The following PRKN variants were observed in gnomAD, a reference collection of about 807,000 sequenced individuals.
PRKN encodes the protein parkin RBR E3 ubiquitin protein ligase.
PRKN carries 56 observed loss-of-function variants against 59.5 expected under a neutral mutation model. That is an observed-to-expected ratio of 0.94 (90% CI 0.76 to 1.18). PRKN has a LOEUF of 1.18. PRKN is among the 50% of genes most tolerant of loss of function. PRKN has a pLI of 0.00. For missense variants in PRKN, 657 were observed against 596.4 expected (o/e 1.10, Z -1.06); for synonymous variants, 250 against 222.1 (o/e 1.13, Z -1.12).
chr6:161,957,409 G>GTTGTTTT (rs1562418017), intron 6 of PRKN, among the ~76,000 whole-genome samples: 2 of 127,392 alleles, frequency 1.6e-5, no homozygotes, highest in African/African-American at 6.2e-5. Flanking sequence ...TGTTCTTGTT[G>GTTGTTTT]TTTTTTTTTT....
chr6:161,740,110 C>T (rs1308343796), intron 7 of PRKN, among the ~76,000 whole-genome samples: 1 of 152,206 alleles, frequency 6.6e-6, no homozygotes, highest in African/African-American at 2.4e-5. Flanking sequence ...CCAATGTTAT[C>T]AAACGAGTTG....
intron 4 of PRKN, among the ~76,000 whole-genome samples, chr6:162,146,864 G>C (rs918490326): frequency 2.0e-5 from 3 of 151,922 alleles, no homozygotes; most frequent in African/African-American, 7.2e-5. Context: ...CCGAGTAGCT[G>C]AGATTACAGG....
chr6:161,625,382 G>A (rs1267104432), intron 7 of PRKN, among the ~76,000 whole-genome samples: 1 of 145,538 alleles, frequency 6.9e-6, no homozygotes, highest in Non-Finnish European at 1.5e-5. Context: ...ATGGACAGAG[G>A]AAGGGGAACA....
chr6:161,923,757 G>A (rs1778866183), intron 6 of PRKN, among the ~76,000 whole-genome samples: 1 of 152,116 alleles, frequency 6.6e-6, no homozygotes, highest in Non-Finnish European at 1.5e-5. Context: ...CTAAGGAGGA[G>A]GACACTGTTA....
chr6:161,668,377 C>T (rs1784796004), intron 7 of PRKN, among the ~76,000 whole-genome samples: 1 of 151,796 alleles, frequency 6.6e-6, no homozygotes, highest in Non-Finnish European at 1.5e-5. Flanking sequence ...ACAACACACG[C>T]TCTTAAATAC....
At chr6:162,255,083 A>G (rs1382977452) in intron 3 of PRKN, among the ~76,000 whole-genome samples, 13 of 87,014 alleles carry the variant, frequency 1.5e-4, no homozygotes, top group African/African-American at 6.4e-4. Flanking sequence ...ATACAAAAAT[A>G]AAATAAAATA....
At chr6:162,510,581 C>G (rs974642855) in intron 1 of PRKN, among the ~76,000 whole-genome samples, 2 of 152,208 alleles carry the variant, frequency 1.3e-5, no homozygotes, top group African/African-American at 4.8e-5. Flanking sequence ...AAAACAGCCT[C>G]TGTTCCCTTT....
At chr6:162,400,857 T>C (rs1787757447) in intron 2 of PRKN, among the ~76,000 whole-genome samples, 1 of 152,212 alleles carries the variant, frequency 6.6e-6, no homozygotes, top group Non-Finnish European at 1.5e-5. Flanking sequence ...AGGGAACTAC[T>C]ATATACATCA....
chr6:162,028,604 C>T (rs999518070), intron 5 of PRKN, among the ~76,000 whole-genome samples: 3 of 152,088 alleles, frequency 2.0e-5, no homozygotes, highest in South Asian at 2.1e-4. Flanking sequence ...TGAGGAGCTA[C>T]GGGCACAAGC....
At position 161,359,266 on chromosome 6, in the gene PRKN, G is replaced by T. The variant is rs1784886474; in HGVS notation, c.1285+822C>A. ...AAGCCAGCACCTGCGGCTCTGGGAT[G>T]TGTTCAAGCACCGTCTTGTTTGTAT... On this transcript the variant is annotated intron_variant, in intron 11 of 11. Transcript: ENST00000366898. The surrounding 1 kb of genome is among the most constrained non-coding windows in gnomAD (Gnocchi z 5.4). Among the ~76,000 whole-genome samples the T allele has an allele frequency of 1.3e-5, 2 of 152,360 alleles. No homozygotes were observed. Among genetic ancestry groups the T allele is most frequent in the African/African-American group, 4.8e-5 (2 of 41,588 alleles).
At chr6:161,924,116 G>T (rs1223077493) in intron 6 of PRKN, among the ~76,000 whole-genome samples, 2 of 152,148 alleles carry the variant, frequency 1.3e-5, no homozygotes, top group Non-Finnish European at 2.9e-5. Flanking sequence ...ATTAGAAAAA[G>T]AAACTGTCTC....
intron 5 of PRKN, among the ~76,000 whole-genome samples, chr6:162,053,355 T>A (rs1280651334): frequency 6.6e-6 from 1 of 152,194 alleles, no homozygotes; most frequent in African/African-American, 2.4e-5. Flanking sequence ...GCTGGCAGCA[T>A]AACAGTATTT....
At chr6:161,973,249 A>T (rs1780891989) in intron 6 of PRKN, 53 bp downstream of exon 6, 1 of 1,163,732 alleles carries the variant, frequency 8.6e-7, no homozygotes, top group Admixed American at 1.7e-5. Context: ...TGCTATTTTT[A>T]GATCCTTACC....
chr6:162,010,549 TATATA>T lies in PRKN; in HGVS notation c.619-37137_619-37133del, dbSNP rs1207662420. ...TAATATATTATATAATGTATTATAT[TATATA>T]TTATATAATATATTATATAATGTAT... On this transcript the variant is annotated intron_variant, in intron 5 of 11. Transcript: ENST00000366898. 3.0e-4 allele frequency among the ~76,000 whole-genome samples: 2 copies of T among 6,614 alleles called. 1 individual carries two copies. Among genetic ancestry groups the T allele is most frequent in the Non-Finnish European group, 4.0e-4 (2 of 5,052 alleles). 4.3% of individuals were successfully genotyped at this position (6,614 alleles called of 152,430 possible).
intron 6 of PRKN, among the ~76,000 whole-genome samples, chr6:161,834,764 G>A (rs921529319): frequency 6.6e-6 from 1 of 152,206 alleles, no homozygotes; most frequent in Non-Finnish European, 1.5e-5. Flanking sequence ...TGCTACACAC[G>A]CCCTGGCTCT....
At chr6:162,110,545 G>A (rs1454883141) in intron 4 of PRKN, among the ~76,000 whole-genome samples, 1 of 152,110 alleles carries the variant, frequency 6.6e-6, no homozygotes, top group Non-Finnish European at 1.5e-5. Context: ...AATCTTTCTG[G>A]TTTTTTGGAA....
chr6:162,213,640 T>C (rs141795193), intron 3 of PRKN, among the ~76,000 whole-genome samples: 7 of 151,896 alleles, frequency 4.6e-5, no homozygotes, highest in African/African-American at 1.4e-4. Flanking sequence ...GAGGCTGAGG[T>C]GGGAGAATTG....
In PRKN at chr6:161,725,968, C is replaced by T. The variant is rs145186835; in HGVS notation, c.871+59804G>A. Among the ~76,000 whole-genome samples the T allele has an allele frequency of 3.5e-4, 54 of 152,256 alleles. No homozygotes were observed. In the East Asian group the frequency reaches 5.4e-3, roughly 15 times the overall value. ...TTGTCCCTTCAAATGAAATATGTCC[C>T]ACATTTATTTCAGCACATTCAATGA... On this transcript the variant is annotated intron_variant, in intron 7 of 11. Coordinates refer to ENST00000366898, the MANE Select transcript of PRKN (RefSeq NM_004562.3).
Position 161,545,444 on chromosome 6 carries a change from G to C in PRKN, c.1083+3410C>G. On this transcript the variant is annotated intron_variant, in intron 9 of 11. Coordinates refer to ENST00000366898, the MANE Select transcript of PRKN (RefSeq NM_004562.3). The surrounding 1 kb of genome is among the most constrained non-coding windows in gnomAD (Gnocchi z 4.1). ...TTGTTCTTCGTTGTCCATACTGTGA[G>C]AGCAAAGAGTAAAAAGAGATTCACC... 1 of 1,596,500 alleles carries C rather than the reference G, an allele frequency of 6.3e-7. No homozygotes were observed. Among genetic ancestry groups the C allele is most frequent in the Non-Finnish European group, 8.6e-7 (1 of 1,165,158 alleles).
Sources: gnomAD v4.1 joint callset for allele counts (sites outside exome capture counted in the v4.1 genomes callset) on GRCh38, gnomAD v4.1.1 for gene constraint, Gnocchi (gnomAD v3.1) non-coding constraint, MANE v1.5 for transcripts, NCBI Gene and HGNC (gene_info 2026-07-23, HGNC 2026-07-21) for gene names.